Variants in FCRL5 observed in about 807,000 individuals in gnomAD.
FCRL5 encodes the protein Fc receptor like 5, also known as Fc receptor-like protein 5.
A neutral mutation model predicts 92.1 loss-of-function variants in FCRL5; 79 were observed. That is an observed-to-expected ratio of 0.86 (90% CI 0.72 to 1.03). The LOEUF (loss-of-function observed/expected upper bound fraction) is 1.03, where lower values mean the gene tolerates loss of function less well. Among genes scored for constraint, FCRL5 ranks in the 50% least tolerant of loss-of-function variants. The pLI, the probability that FCRL5 is intolerant of heterozygous loss-of-function variation, is 0.00. For missense variants in FCRL5, 1,160 were observed against 1,181.1 expected, an observed-to-expected ratio of 0.98 and a Z score of 0.26; for synonymous variants, 466 against 469.3, an observed-to-expected ratio of 0.99 and a Z score of 0.09.
chr1:157,534,672 G>A lies in FCRL5; in HGVS notation c.1623C>T (p.Cys541=), dbSNP rs1650867451. ...LTEGHSGNYY[C]TADNGFGPQR... ...GGGGACCAAAGCCATTGTCAGCTGTGCAGTAGTAATTCCCTGAATGTCCTT... is the reference window on the plus strand; with the variant it reads ...GGGGACCAAAGCCATTGTCAGCTGTACAGTAGTAATTCCCTGAATGTCCTT... Residue 541 remains cysteine (C), a synonymous_variant, in exon 8 of 17, where the codon TGC becomes TGT. Coordinates refer to ENST00000361835, the MANE Select transcript of FCRL5 (RefSeq NM_031281.3). The A allele has an allele frequency of 6.2e-7, 1 of 1,614,068 alleles. No homozygotes were observed. The highest frequency in any genetic ancestry group is 8.5e-7 in the Non-Finnish European group (1 of 1,180,046).
At chr1:157,546,375 G>C (rs188394853) in intron 3 of FCRL5, 4 of 357,534 alleles carry the variant, frequency 1.1e-5, no homozygotes, top group African/African-American at 8.5e-5. Flanking sequence ...TTGAACCCGG[G>C]AGACAGAAGT....
At chr1:157,520,322 C>A in intron 12 of FCRL5, 109 bp downstream of exon 12, 5 of 742,688 alleles carry the variant, frequency 6.7e-6, no homozygotes, top group Non-Finnish European at 1.1e-5. Context: ...AGGGACAGAG[C>A]GGATGAGCTC....
chr1:157,517,596 G>C (rs1021562083), intron 15 of FCRL5, among the ~76,000 whole-genome samples: 11 of 152,236 alleles, frequency 7.2e-5, no homozygotes, highest in African/African-American at 2.6e-4. Flanking sequence ...AGGGGACATG[G>C]GTGCAGGAAA....
rs1383072237 is a variant in FCRL5 at position 157,538,948 on chromosome 1, C to T, written c.1402+138G>A. 6 of 964,912 alleles carry T rather than the reference C, an allele frequency of 6.2e-6. No homozygotes were observed. In the Admixed American group the frequency reaches 1.4e-4, roughly 22 times the overall value. 59.8% of individuals were successfully genotyped at this position (964,912 alleles called of 1,614,324 possible). On this transcript the variant is annotated intron_variant, in intron 7 of 16. Coordinates refer to ENST00000361835, the MANE Select transcript of FCRL5 (RefSeq NM_031281.3). ...AGGGGCAGACAGCTGGTTCAGTGAGCTAGAGAGTGGAGGAGGATATTAGGT... is the reference window on the plus strand; with the variant it reads ...AGGGGCAGACAGCTGGTTCAGTGAGTTAGAGAGTGGAGGAGGATATTAGGT...
chr1:157,515,680 T>G lies in FCRL5; in HGVS notation c.2929A>C (p.Arg977=). The G allele has an allele frequency of 6.2e-7, 1 of 1,614,176 alleles. No individual in the cohort carries two copies. Residue 977 remains arginine (R), a synonymous_variant, in exon 17 of 17, where the codon AGA becomes CGA. Coordinates refer to ENST00000361835, the MANE Select transcript of FCRL5 (RefSeq NM_031281.3). ...AGTTGGAGAGACGTGTGGACTCATC[T>G]GTGAGGAGCTGAGGAAGCCAAGAAC... ...SLFLASSAPH[R]
intron 6 of FCRL5, among the ~76,000 whole-genome samples, chr1:157,539,587 T>C (rs1367534579): frequency 1.3e-5 from 2 of 152,230 alleles, no homozygotes; most frequent in African/African-American, 4.8e-5. Flanking sequence ...CACTGAAATA[T>C]TATTTGTGGG....
chr1:157,542,880 C>T lies in FCRL5; in HGVS notation c.1102G>A (p.Ala368Thr). ...TTACCAGTGACTGAGAGGCTCACAG[C>T]CTTACTGGGCTTGGCGCCAAGGCCA... is the stretch of plus-strand genomic sequence containing the variant. ...DNGLGAKPSKAVSLSVTVPVS... is the reference protein window; with the variant it reads ...DNGLGAKPSKTVSLSVTVPVS... Residue 368 changes from alanine (A) to threonine (T), a missense_variant, in exon 6 of 17, where the codon GCT becomes ACT. Coordinates refer to ENST00000361835, the MANE Select transcript of FCRL5 (RefSeq NM_031281.3). 1 of 1,613,138 alleles carries T rather than the reference C, an allele frequency of 6.2e-7. No individual in the cohort carries two copies. Among genetic ancestry groups the T allele is most frequent in the Non-Finnish European group, 8.5e-7 (1 of 1,179,832 alleles).
At chr1:157,539,490 T>C in intron 6 of FCRL5, 126 bp from the exon 7 acceptor site, 1 of 850,856 alleles carries the variant, frequency 1.2e-6, no homozygotes, top group Non-Finnish European at 1.7e-6. Context: ...GGGAACTATT[T>C]CAGGCAAACC....
intron 3 of FCRL5, 103 bp from the exon 4 acceptor site, chr1:157,545,185 AAG>A (rs1651473018): frequency 1.1e-5 from 14 of 1,243,356 alleles, no homozygotes; most frequent in Non-Finnish European, 1.6e-5. Context: ...GGTTGGGAAA[AAG>A]AACTCTTAAA....
intron 5 of FCRL5, among the ~76,000 whole-genome samples, chr1:157,543,926 A>T (rs10796980): frequency 6.6e-6 from 1 of 151,926 alleles, no homozygotes; most frequent in Admixed American, 6.5e-5. Context: ...ACCTCTGTAC[A>T]CCAGAGTCAG....
At chr1:157,534,243 G>A in intron 8 of FCRL5, 1 of 634,100 alleles carries the variant, frequency 1.6e-6, no homozygotes, top group African/African-American at 1.8e-5. Context: ...AGAATTTAAG[G>A]TCTTGACCAA....
At chr1:157,541,903 T>C (rs1279416846) in intron 6 of FCRL5, 2 of 152,326 alleles carry the variant, frequency 1.3e-5, no homozygotes, top group Admixed American at 6.5e-5. Context: ...TGTTTGATCA[T>C]GATGTCACTG....
At chr1:157,529,156 G>T (rs1027590193) in intron 8 of FCRL5, among the ~76,000 whole-genome samples, 1 of 152,160 alleles carries the variant, frequency 6.6e-6, no homozygotes, top group African/African-American at 2.4e-5. Flanking sequence ...GACATGAATA[G>T]AATATTTTCA....
chr1:157,526,508 A>T (rs1000660992), intron 9 of FCRL5, among the ~76,000 whole-genome samples: 1 of 152,130 alleles, frequency 6.6e-6, no homozygotes, highest in African/African-American at 2.4e-5. Flanking sequence ...AGTGCAAAGG[A>T]TCCTACAGAG....
rs1188951056 is a variant in FCRL5 at position 157,549,648 on chromosome 1, C to CT, written c.32-69dup. On this transcript the variant is annotated intron_variant, in intron 1 of 16. Transcript: ENST00000361835. ...TATTTTGTTTTAAGAAGATAATTCC[C>CT]TTTTTTACCCATGCATGTATTACTT... 22 of 1,451,532 alleles carry CT rather than the reference C, an allele frequency of 1.5e-5. No homozygotes were observed. In the Admixed American group the frequency reaches 3.5e-4, roughly 23 times the overall value. 89.9% of individuals were successfully genotyped at this position (1,451,532 alleles called of 1,614,324 possible).
At chr1:157,540,133 C>A (rs2101633541) in intron 6 of FCRL5, among the ~76,000 whole-genome samples, 1 of 152,360 alleles carries the variant, frequency 6.6e-6, no homozygotes, top group Non-Finnish European at 1.5e-5. Context: ...CTCTACCCAC[C>A]TGCAGGGTGA....
At chr1:157,537,335 T>G (rs530638565) in intron 7 of FCRL5, among the ~76,000 whole-genome samples, 2 of 152,290 alleles carry the variant, frequency 1.3e-5, no homozygotes, top group South Asian at 4.1e-4. Context: ...TTATGATCGT[T>G]GCTGAGGGAT....
chr1:157,547,235 G>C (rs376037258), intron 2 of FCRL5, 38 bp from the exon 3 acceptor site: 2 of 1,608,802 alleles, frequency 1.2e-6, no homozygotes, highest in South Asian at 2.2e-5. Flanking sequence ...AGGTGGAGGC[G>C]CCTGCAGACC....
chr1:157,531,975 G>A (rs992424400), intron 8 of FCRL5: 3 of 152,112 alleles, frequency 2.0e-5, no homozygotes, highest in African/African-American at 7.2e-5. Context: ...GCTTTTGAAT[G>A]TTTTTATTCC....
Sources: allele counts gnomAD v4.1 joint callset (sites outside exome capture counted in the v4.1 genomes callset), GRCh38; gene constraint gnomAD v4.1.1; transcripts MANE v1.5; gene names NCBI Gene and HGNC (gene_info 2026-07-23, HGNC 2026-07-21).